The following PCDHGB7 variants were observed in gnomAD, a reference collection of about 807,000 sequenced individuals.
PCDHGB7 encodes protocadherin gamma-B7.
In PCDHGB7, 37 loss-of-function variants were observed where a neutral mutation model predicts 61.4. That is an observed-to-expected ratio of 0.60 (90% CI 0.46 to 0.79). The LOEUF (loss-of-function observed/expected upper bound fraction) is 0.79. PCDHGB7 is among the 30% of genes least tolerant of loss of function. The probability of loss-of-function intolerance (pLI) is 0.00; values close to 1 mark genes in which losing one functional copy is unlikely to be tolerated. For synonymous variants in PCDHGB7, 464 were observed against 503.5 expected (o/e 0.92, Z 1.05); for missense variants, 1,166 against 1,202.5 (o/e 0.97, Z 0.45).
chr5:141,451,521 TAAAGG>T (rs1187561043), intron 1 of PCDHGB7, among the ~76,000 whole-genome samples: 1 of 152,148 alleles, frequency 6.6e-6, no homozygotes, highest in Non-Finnish European at 1.5e-5. Context: ...TTAGAGCAAG[TAAAGG>T]AGAGTGCCAG....
intron 1 of PCDHGB7, among the ~76,000 whole-genome samples, chr5:141,470,430 T>C (rs994304635): frequency 6.6e-6 from 1 of 152,232 alleles, no homozygotes; most frequent in Non-Finnish European, 1.5e-5. Flanking sequence ...TTTCCTTGTG[T>C]GCAATAATTT....
At chr5:141,445,890 T>A (rs1435563284) in intron 1 of PCDHGB7, among the ~76,000 whole-genome samples, 1 of 152,210 alleles carries the variant, frequency 6.6e-6, no homozygotes, top group Non-Finnish European at 1.5e-5. Flanking sequence ...ACTTAGGAGC[T>A]ATTAAAATAT....
Position 141,418,987 on chromosome 5 carries a change from A to AG in PCDHGB7, c.1132dup (p.Glu378GlyfsTer8), listed in dbSNP as rs781016682. The AG allele has an allele frequency of 6.2e-7, 1 of 1,613,974 alleles. No individual in the cohort carries two copies. The highest frequency in any genetic ancestry group is 1.1e-5 in the South Asian group (1 of 91,068). On this transcript the variant is annotated frameshift_variant, in exon 1 of 4. Coordinates refer to ENST00000398594, the MANE Select transcript of PCDHGB7 (RefSeq NM_018927.4). LOFTEE classifies it high-confidence loss of function. ...TCTTCAAAACACGGGACCAAGACTC[A>AG]GGGGAAAATGGGGAAGTCAGGTGTA... is the stretch of plus-strand genomic sequence containing the variant.
In PCDHGB7 at chr5:141,476,850, A is replaced by G. The variant is rs747333239; in HGVS notation, c.2416-17957A>G. The G allele has an allele frequency of 1.2e-6, 2 of 1,613,836 alleles. No individual in the cohort carries two copies. Among genetic ancestry groups the G allele is most frequent in the Admixed American group, 3.3e-5 (2 of 60,030 alleles). ...GCGAATGACAATGCGCCTGTCTTCA[A>G]CCAGTCCTTGTACCGGGCGCGCGTC... is the stretch of plus-strand genomic sequence containing the variant. On this transcript the variant is annotated intron_variant, in intron 1 of 3. Transcript: ENST00000398594. The surrounding 1 kb of genome is among the most constrained non-coding windows in gnomAD (Gnocchi z 7.6).
chr5:141,447,650 TC>T (rs1036312126), intron 1 of PCDHGB7, among the ~76,000 whole-genome samples: 1 of 151,988 alleles, frequency 6.6e-6, no homozygotes, highest in Non-Finnish European at 1.5e-5. Context: ...GGTAGAATTT[TC>T]CCCCCCAGGA....
chr5:141,422,969 G>C (rs1269760845), intron 1 of PCDHGB7: 2 of 1,614,202 alleles, frequency 1.2e-6, no homozygotes, highest in South Asian at 2.2e-5. Flanking sequence ...CTGGCGCCCC[G>C]CTCTGCGGAA....
chr5:141,433,641 G>T (rs1177387884), intron 1 of PCDHGB7, among the ~76,000 whole-genome samples: 1 of 152,104 alleles, frequency 6.6e-6, no homozygotes, highest in Admixed American at 6.5e-5. Flanking sequence ...TTTGAGACCA[G>T]CCTGACCAAC....
chr5:141,420,280 T>C lies in PCDHGB7; in HGVS notation c.2415+6T>C. 1 of 1,513,274 alleles carries C rather than the reference T, an allele frequency of 6.6e-7. No homozygotes were observed. The highest frequency in any genetic ancestry group is 8.9e-7 in the Non-Finnish European group (1 of 1,122,838). The allele number at this position is 1,513,274 out of a possible 1,614,324, so 93.7% of individuals were successfully genotyped here. On this transcript the variant is annotated splice_donor_region_variant and intron_variant, in intron 1 of 3. Coordinates refer to ENST00000398594, the MANE Select transcript of PCDHGB7 (RefSeq NM_018927.4). ...ATAAGAAGATTCTTAAACAGGTAAG[T>C]ATTTAAAAATGTATTTAATCCTTTT...
chr5:141,437,247 C>T (rs2097870457), intron 1 of PCDHGB7, among the ~76,000 whole-genome samples: 2 of 152,090 alleles, frequency 1.3e-5, no homozygotes, highest in Non-Finnish European at 2.9e-5. Context: ...AAGGACTTTC[C>T]TTGTCTTTTT....
At chr5:141,420,369 T>C in intron 1 of PCDHGB7, 95 bp downstream of exon 1, 2 of 1,349,364 alleles carry the variant, frequency 1.5e-6, no homozygotes, top group Non-Finnish European at 2.0e-6. Flanking sequence ...AGATAACTTC[T>C]TCATAGAGTT....
intron 1 of PCDHGB7, among the ~76,000 whole-genome samples, chr5:141,459,747 A>G (rs553965181): frequency 3.2e-4 from 48 of 152,318 alleles, no homozygotes; most frequent in African/African-American, 1.1e-3. Flanking sequence ...AATTTTAGCA[A>G]TTCTAGTGGG....
chr5:141,429,861 A>G (rs1483953460), intron 1 of PCDHGB7, among the ~76,000 whole-genome samples: 1 of 152,226 alleles, frequency 6.6e-6, no homozygotes, highest in Non-Finnish European at 1.5e-5. Flanking sequence ...TCTTTGGACT[A>G]CCAATTTTCT....
chr5:141,427,370 G>A (rs915167509), intron 1 of PCDHGB7: 17 of 457,836 alleles, frequency 3.7e-5, no homozygotes, highest in African/African-American at 2.4e-4. Flanking sequence ...AACCCTGGAC[G>A]GTGATCACTC....
chr5:141,421,869 A>G lies in PCDHGB7; in HGVS notation c.2415+1595A>G, dbSNP rs200015978. 1.5e-5 allele frequency: 24 copies of G among 1,613,732 alleles called. No individual in the cohort carries two copies. The African/African-American group carries it at 3.1e-4, about 21-fold the overall frequency. ...AGGCTGCTCACCTGCTCCTCCTCAC[A>G]GCTTTAGATGGAGGCGATCCCATCC... On this transcript the variant is annotated intron_variant, in intron 1 of 3. Transcript: ENST00000398594.
chr5:141,419,534 G>C lies in PCDHGB7; in HGVS notation c.1675G>C (p.Ala559Pro). 1 of 1,612,078 alleles carries C rather than the reference G, an allele frequency of 6.2e-7. No individual in the cohort carries two copies. The highest frequency in any genetic ancestry group is 1.3e-5 in the African/African-American group (1 of 75,038). Reference protein sequence around the residue: ...RVLVGDRNDNAPRVLYPALGP... With the variant: ...RVLVGDRNDNPPRVLYPALGP... Reference sequence around the variant, plus strand: ...GTTGGTGGGCGACCGTAACGACAACGCACCGCGGGTGCTGTACCCTGCGCT... The same window carrying C: ...GTTGGTGGGCGACCGTAACGACAACCCACCGCGGGTGCTGTACCCTGCGCT... The change falls in exon 1 of 4, where the codon GCA becomes CCA. Residue 559 changes from alanine (A) to proline (P), a missense_variant. Ala to Pro is a conservative substitution (Grantham distance 27). Coordinates refer to ENST00000398594, the MANE Select transcript of PCDHGB7 (RefSeq NM_018927.4).
At position 141,485,848 on chromosome 5, in the gene PCDHGB7, C is replaced by G. The variant is rs1416763615; in HGVS notation, c.2416-8959C>G. 1.9e-6 allele frequency: 3 copies of G among 1,614,076 alleles called. No individual in the cohort carries two copies. The highest frequency in any genetic ancestry group is 1.1e-5 in the South Asian group (1 of 91,084). On this transcript the variant is annotated intron_variant, in intron 1 of 3. Coordinates refer to ENST00000398594, the MANE Select transcript of PCDHGB7 (RefSeq NM_018927.4). This position sits in a 1 kb window ranked among gnomAD's most constrained non-coding sequence, Gnocchi z 5.7. The stretch of plus-strand genomic sequence containing the variant: ...GAGGGAACCCGCCGAGATCTGGCAC[C>G]GCAGAGCTCCGGGTATCCGTGCTGG...
intron 1 of PCDHGB7, among the ~76,000 whole-genome samples, chr5:141,438,629 TATATATACACACAC>T (rs1468553117): frequency 3.8e-3 from 181 of 48,054 alleles, no homozygotes; most frequent in Non-Finnish European, 5.4e-3. Flanking sequence ...TATATATATA[TATATATACACACAC>T]ACACACACAT....
chr5:141,468,950 T>TG (rs752125489), intron 1 of PCDHGB7, among the ~76,000 whole-genome samples: 34 of 140,680 alleles, frequency 2.4e-4, no homozygotes, highest in African/African-American at 4.9e-4. Context: ...GGTAAACCTG[T>TG]GGTTTTTTTT....
chr5:141,508,919 C>T (rs1166086266), intron 3 of PCDHGB7, among the ~76,000 whole-genome samples: 1 of 151,996 alleles, frequency 6.6e-6, no homozygotes, highest in Non-Finnish European at 1.5e-5. Context: ...GATCTGGCTT[C>T]CTTTTGGAGT....
Sources: gnomAD v4.1 joint callset for allele counts (sites outside exome capture counted in the v4.1 genomes callset) on GRCh38, gnomAD v4.1.1 for gene constraint, Gnocchi (gnomAD v3.1) non-coding constraint, MANE v1.5 for transcripts, NCBI Gene and HGNC (gene_info 2026-07-23, HGNC 2026-07-21) for gene names.